The following DIP2C variants were observed in gnomAD, a reference collection of about 807,000 sequenced individuals.
DIP2C encodes disco-interacting protein 2 homolog C.
In DIP2C, 33 loss-of-function variants were observed where a neutral mutation model predicts 192.4. The observed-to-expected ratio is 0.17, with a 90% CI of 0.13 to 0.23. The LOEUF (loss-of-function observed/expected upper bound fraction) is 0.23. Among genes scored for constraint, DIP2C ranks in the 10% least tolerant of loss-of-function variants. DIP2C has a pLI of 1.00. For missense variants in DIP2C, 1,537 were observed against 2,110.1 expected (o/e 0.73, Z 5.32); for synonymous variants, 979 against 864.1 (o/e 1.13, Z -2.33).
chr10:541,973 G>C (rs551410814), intron 1 of DIP2C, among the ~76,000 whole-genome samples: 1 of 152,174 alleles, frequency 6.6e-6, no homozygotes, highest in Admixed American at 6.5e-5. Context: ...TCTGGGCCGC[G>C]TGCCAGGACA....
intron 2 of DIP2C, among the ~76,000 whole-genome samples, chr10:476,967 A>C (rs1843079656): frequency 6.6e-6 from 1 of 151,482 alleles, no homozygotes; most frequent in Non-Finnish European, 1.5e-5. Flanking sequence ...GGGCTCGGGA[A>C]ATAATTCTGA....
At chr10:607,484 T>A (rs555766483) in intron 1 of DIP2C, among the ~76,000 whole-genome samples, 2 of 152,312 alleles carry the variant, frequency 1.3e-5, no homozygotes, top group South Asian at 4.1e-4. Flanking sequence ...ATATCTTAAA[T>A]GGTATCTATG....
At chr10:338,873 C>A (rs907057884) in intron 29 of DIP2C, among the ~76,000 whole-genome samples, 1 of 132,772 alleles carries the variant, frequency 7.5e-6, no homozygotes, top group Non-Finnish European at 1.7e-5. Flanking sequence ...ACAGCCCACC[C>A]CACCTGCACC....
At chr10:379,307 G>A (rs997434285) in intron 17 of DIP2C, among the ~76,000 whole-genome samples, 2 of 147,562 alleles carry the variant, frequency 1.4e-5, no homozygotes, top group Non-Finnish European at 3.0e-5. Context: ...GGAAGTGCCC[G>A]TGCATCCTGC....
At chr10:438,948 A>C (rs990417121) in intron 4 of DIP2C, among the ~76,000 whole-genome samples, 2 of 150,060 alleles carry the variant, frequency 1.3e-5, no homozygotes, top group African/African-American at 4.8e-5. Context: ...CAGCCTCCCA[A>C]GTAGCTGGGA....
intron 1 of DIP2C, among the ~76,000 whole-genome samples, chr10:655,719 TG>T (rs1856249998): frequency 6.6e-6 from 1 of 152,172 alleles, no homozygotes. Context: ...CTATCCCACT[TG>T]TTCTATTCTA....
rs191586713 is a variant in DIP2C, at chr10:540,491, C to G, written c.86-53961G>C. Among the ~76,000 whole-genome samples, 65 of 152,324 alleles carry G rather than the reference C, an allele frequency of 4.3e-4. No homozygotes were observed. The East Asian group carries it at 9.1e-3, about 21-fold the overall frequency. ...CTCAAATCTCAAGACAGTCTTGAGT[C>G]CTCTTCTCCTTGCCCCTTCTCTCAC... On this transcript the variant is annotated intron_variant, in intron 1 of 36. Coordinates refer to ENST00000280886, the MANE Select transcript of DIP2C (RefSeq NM_014974.3).
chr10:610,662 G>C (rs944328800), intron 1 of DIP2C, among the ~76,000 whole-genome samples: 145 of 152,366 alleles, frequency 9.5e-4, no homozygotes, highest in African/African-American at 3.1e-3. Context: ...GTGGCTGTGT[G>C]TCCCCACCCA....
chr10:323,191 G>T (rs1422905188), intron 31 of DIP2C, among the ~76,000 whole-genome samples: 1 of 18,066 alleles, frequency 5.5e-5, no homozygotes, highest in African/African-American at 2.0e-4. Flanking sequence ...CAGTCAGTCG[G>T]GGGTGCGGGG....
chr10:277,715 C>T (rs942809868), intron 36 of DIP2C, 138 bp from the exon 37 acceptor site: 1 of 1,176,438 alleles, frequency 8.5e-7, no homozygotes, highest in African/African-American at 1.6e-5. Flanking sequence ...TCCACGTCCT[C>T]CGTCTGCCGC....
chr10:580,488 A>G (rs762427062), intron 1 of DIP2C, among the ~76,000 whole-genome samples: 8 of 152,192 alleles, frequency 5.3e-5, no homozygotes, highest in East Asian at 1.9e-4. Flanking sequence ...ACATGTCCAA[A>G]TAGTGTGGAT....
chr10:392,799 G>A (rs552070578), intron 10 of DIP2C, among the ~76,000 whole-genome samples: 35 of 150,206 alleles, frequency 2.3e-4, no homozygotes, highest in South Asian at 2.1e-3. Flanking sequence ...GCACACACGC[G>A]GATGCGCACA....
intron 3 of DIP2C, among the ~76,000 whole-genome samples, chr10:456,594 A>T (rs1358488249): frequency 6.6e-6 from 1 of 152,226 alleles, no homozygotes; most frequent in Non-Finnish European, 1.5e-5. Flanking sequence ...GTCTGGAAAG[A>T]GGACAGAGAA....
At chr10:564,350 C>A (rs1480368768) in intron 1 of DIP2C, among the ~76,000 whole-genome samples, 1 of 152,128 alleles carries the variant, frequency 6.6e-6, no homozygotes, top group Admixed American at 6.5e-5. Flanking sequence ...CCTCCCCACA[C>A]CCCAGCCTGG....
intron 10 of DIP2C, 34 bp from the exon 11 acceptor site, chr10:390,897 C>G: frequency 1.2e-6 from 2 of 1,610,176 alleles, no homozygotes; most frequent in South Asian, 1.1e-5. Flanking sequence ...TGAGAATCCA[C>G]GACCTGCCCC....
intron 1 of DIP2C, among the ~76,000 whole-genome samples, chr10:568,988 A>G: frequency 6.6e-6 from 1 of 152,144 alleles, no homozygotes; most frequent in Non-Finnish European, 1.5e-5. Flanking sequence ...GTTTGTTTGA[A>G]GTAAATTCCA....
rs536406182 is a variant in DIP2C at position 414,080 on chromosome 10, G to A, written c.890C>T (p.Pro297Leu). The change falls in exon 8 of 37, where the codon CCG becomes CTG. Residue 297 changes from proline (P) to leucine (L), a missense_variant. Pro to Leu is a moderately conservative substitution (Grantham distance 98). This residue lies in a region of DIP2C where 473 missense variants were observed against 539.6 expected (regional missense o/e 0.88). Coordinates refer to ENST00000280886, the MANE Select transcript of DIP2C (RefSeq NM_014974.3). ...VQQPDPNQPK[P>L]EGAQMLAMRG... ...CATGGCCAGCATCTGGGCCCCCTCC[G>A]GCTTTGGTTGGTTCGGATCCGGTTG... 1.6e-5 allele frequency: 26 copies of A among 1,613,834 alleles called. No individual in the cohort carries two copies. Among genetic ancestry groups the A allele is most frequent in the South Asian group, 5.5e-5 (5 of 91,028 alleles).
chr10:597,429 C>G (rs772576562), intron 1 of DIP2C, among the ~76,000 whole-genome samples: 2 of 149,968 alleles, frequency 1.3e-5, no homozygotes, highest in African/African-American at 4.8e-5. Context: ...GAGTTTCCTT[C>G]TAGCCCCAAT....
chr10:314,853 T>TA (rs906053098), intron 31 of DIP2C, among the ~76,000 whole-genome samples: 27 of 152,336 alleles, frequency 1.8e-4, no homozygotes, highest in African/African-American at 6.3e-4. Flanking sequence ...TCATGTCTTA[T>TA]ACTACTGCAT....
Sources: allele counts gnomAD v4.1 joint callset (sites outside exome capture counted in the v4.1 genomes callset), GRCh38; gene constraint gnomAD v4.1.1; regional missense constraint gnomAD v4.1.1; transcripts MANE v1.5; gene names NCBI Gene and HGNC (gene_info 2026-07-23, HGNC 2026-07-21).